Variants in ERLEC1 observed in about 807,000 individuals in gnomAD.
ERLEC1 encodes the protein endoplasmic reticulum lectin 1, also known as ER lectin.
A neutral mutation model predicts 68.0 loss-of-function variants in ERLEC1; 47 were observed. The observed-to-expected ratio is 0.69, with a 90% confidence interval of 0.55 to 0.88. The LOEUF is 0.88. Among genes scored for constraint, ERLEC1 ranks in the 40% least tolerant of loss-of-function variants. The pLI is 0.00. For synonymous variants in ERLEC1, 225 were observed against 203.2 expected (o/e 1.11, Z -0.91); for missense variants, 567 against 583.8 (o/e 0.97, Z 0.30).
intron 1 of ERLEC1, 25 bp downstream of exon 1, chr2:53,787,397 G>A: frequency 4.4e-6 from 7 of 1,592,588 alleles, no homozygotes; most frequent in Non-Finnish European, 6.0e-6. Flanking sequence ...TAACCCCGCA[G>A]CCACCCCTCC....
At chr2:53,810,848 GTTTT>G (rs1302562169) in intron 10 of ERLEC1, among the ~76,000 whole-genome samples, 1 of 151,912 alleles carries the variant, frequency 6.6e-6, no homozygotes, top group African/African-American at 2.4e-5. Flanking sequence ...GCAGATGTTT[GTTTT>G]TTTAATAACA....
intron 10 of ERLEC1, among the ~76,000 whole-genome samples, chr2:53,811,330 A>G (rs1489805311): frequency 6.6e-6 from 1 of 152,188 alleles, no homozygotes; most frequent in Non-Finnish European, 1.5e-5. Context: ...AAGTATATTC[A>G]TAAGGGACAT....
intron 1 of ERLEC1, among the ~76,000 whole-genome samples, chr2:53,790,867 T>C (rs1308435111): frequency 6.6e-6 from 1 of 152,250 alleles, no homozygotes; most frequent in Non-Finnish European, 1.5e-5. Context: ...TTTGTTTTTG[T>C]GTTAATATTT....
intron 8 of ERLEC1, among the ~76,000 whole-genome samples, chr2:53,802,989 T>A (rs1676083867): frequency 6.6e-6 from 1 of 152,208 alleles, no homozygotes; most frequent in African/African-American, 2.4e-5. Context: ...CTTGAAGATG[T>A]GATTCCAATG....
chr2:53,797,064 T>C (rs1030540456), intron 3 of ERLEC1, among the ~76,000 whole-genome samples: 1 of 152,070 alleles, frequency 6.6e-6, no homozygotes, highest in African/African-American at 2.4e-5. Flanking sequence ...GCTAATTTTT[T>C]TGTATTTTTT....
chr2:53,804,811 C>G (rs769351707), intron 8 of ERLEC1, among the ~76,000 whole-genome samples: 2 of 152,018 alleles, frequency 1.3e-5, no homozygotes, highest in East Asian at 3.9e-4. Context: ...CCTCCCACTA[C>G]CCTTCCCAGC....
At chr2:53,815,623 GTTTTGTCTC>G (rs1251220661) in intron 13 of ERLEC1, among the ~76,000 whole-genome samples, 1 of 152,074 alleles carries the variant, frequency 6.6e-6, no homozygotes, top group Non-Finnish European at 1.5e-5. Flanking sequence ...TTGTAGATTA[GTTTTGTCTC>G]TTTTTTGGAT....
chr2:53,804,063 G>A (rs1294725652), intron 8 of ERLEC1, among the ~76,000 whole-genome samples: 3 of 152,138 alleles, frequency 2.0e-5, no homozygotes, highest in Non-Finnish European at 2.9e-5. Context: ...CCTGGGCAGC[G>A]GAGCTTGCAG....
At chr2:53,787,439 G>A in intron 1 of ERLEC1, 67 bp downstream of exon 1, 1 of 1,512,262 alleles carries the variant, frequency 6.6e-7, no homozygotes. Context: ...CTCTTCCCTC[G>A]GTTTTCTTTG....
chr2:53,817,064 T>G (rs900718608), intron 13 of ERLEC1, among the ~76,000 whole-genome samples: 1 of 152,162 alleles, frequency 6.6e-6, no homozygotes, highest in African/African-American at 2.4e-5. Flanking sequence ...TTGAATGAAT[T>G]TATCACTGAT....
At chr2:53,806,605 T>C (rs773807875) in intron 8 of ERLEC1, among the ~76,000 whole-genome samples, 1 of 152,194 alleles carries the variant, frequency 6.6e-6, no homozygotes, top group African/African-American at 2.4e-5. Flanking sequence ...ATCTTGACAG[T>C]CCTTGTTCTT....
At chr2:53,806,002 A>G (rs1182544029) in intron 8 of ERLEC1, among the ~76,000 whole-genome samples, 1 of 152,222 alleles carries the variant, frequency 6.6e-6, no homozygotes, top group African/African-American at 2.4e-5. Flanking sequence ...TTATTTCAGA[A>G]TCACTTTTTC....
At chr2:53,793,757 T>C (rs1675541505) in intron 1 of ERLEC1, among the ~76,000 whole-genome samples, 1 of 152,164 alleles carries the variant, frequency 6.6e-6, no homozygotes, top group Admixed American at 6.5e-5. Flanking sequence ...CCTTTTTTCT[T>C]TATACTCCAA....
chr2:53,804,668 T>A (rs1423875101), intron 8 of ERLEC1, among the ~76,000 whole-genome samples: 1 of 152,198 alleles, frequency 6.6e-6, no homozygotes, highest in Non-Finnish European at 1.5e-5. Context: ...TTGTCCTTTG[T>A]GTTACAAACA....
At chr2:53,792,155 G>A (rs1675441486) in intron 1 of ERLEC1, among the ~76,000 whole-genome samples, 1 of 151,166 alleles carries the variant, frequency 6.6e-6, no homozygotes, top group South Asian at 2.1e-4. Context: ...CCCTCTATCT[G>A]ATCCGCCCGT....
chr2:53,808,937 C>T (rs1676444675), intron 9 of ERLEC1, among the ~76,000 whole-genome samples: 1 of 152,116 alleles, frequency 6.6e-6, no homozygotes, highest in African/African-American at 2.4e-5. Flanking sequence ...CCAACATCTC[C>T]CTTTACAAAG....
intron 1 of ERLEC1, among the ~76,000 whole-genome samples, chr2:53,788,061 G>C (rs1439150836): frequency 6.6e-6 from 1 of 152,136 alleles, no homozygotes; most frequent in African/African-American, 2.4e-5. Flanking sequence ...ATTCCCTCTT[G>C]GGGGAGTGGA....
chr2:53,794,404 A>T lies in ERLEC1; in HGVS notation c.222A>T (p.Lys74Asn), dbSNP rs1194826721. 1 of 1,591,348 alleles carries T rather than the reference A, an allele frequency of 6.3e-7. No individual in the cohort carries two copies. Among genetic ancestry groups the T allele is most frequent in the East Asian group, 2.3e-5 (1 of 44,400 alleles). Residue 74 changes from lysine (K) to asparagine (N), a missense_variant, in exon 2 of 14, where the codon AAA (lysine) becomes AAT (asparagine). By Grantham distance (94) the Lys-to-Asn change is moderately conservative. Coordinates refer to ENST00000185150, the MANE Select transcript of ERLEC1 (RefSeq NM_015701.5). Reference protein sequence around the residue: ...DNYVIMTTAHKEKYKCILPLV... With the variant: ...DNYVIMTTAHNEKYKCILPLV... ...ATGTCATCATGACAACTGCACATAA[A>T]GAAAAATATAAATGCATACTTCCCC...
chr2:53,791,926 A>G (rs1675416136), intron 1 of ERLEC1, among the ~76,000 whole-genome samples: 1 of 149,274 alleles, frequency 6.7e-6, no homozygotes, highest in South Asian at 2.1e-4. Flanking sequence ...AAAAAAAAAA[A>G]AAAAAGACGG....
Sources: allele counts gnomAD v4.1 joint callset (sites outside exome capture counted in the v4.1 genomes callset), GRCh38; gene constraint gnomAD v4.1.1; transcripts MANE v1.5; gene names NCBI Gene and HGNC (gene_info 2026-07-23, HGNC 2026-07-21).